Variants in ZZZ3 observed in about 807,000 individuals in gnomAD.
ZZZ3 encodes zinc finger ZZ-type containing 3, also known as ZZ-type zinc finger-containing protein 3.
ZZZ3 carries 22 observed loss-of-function variants against 95.2 expected under a neutral mutation model. The ratio of observed to expected loss-of-function variants is 0.23; its 90% confidence interval spans 0.17 to 0.33. The LOEUF (loss-of-function observed/expected upper bound fraction) is 0.33. Ranked by LOEUF, ZZZ3 falls within the 10% of genes least tolerant of loss-of-function variation. ZZZ3 has a pLI of 1.00. For missense variants in ZZZ3, 885 were observed against 1,066.5 expected (o/e 0.83, Z 2.37); for synonymous variants, 335 against 358.9 (o/e 0.93, Z 0.75).
intron 10 of ZZZ3, 90 bp downstream of exon 10, chr1:77,579,437 G>T: frequency 2.2e-6 from 2 of 912,558 alleles, no homozygotes; most frequent in Non-Finnish European, 3.5e-6. Context: ...AAAGTGTTAT[G>T]GCAGATCGCC....
intron 5 of ZZZ3, among the ~76,000 whole-genome samples, chr1:77,616,607 G>C (rs1666340101): frequency 6.6e-6 from 1 of 152,218 alleles, no homozygotes; most frequent in Non-Finnish European, 1.5e-5. Flanking sequence ...GCTCACGCCT[G>C]TAATCCCAGT....
chr1:77,607,088 TAAAG>T (rs1323501819), intron 5 of ZZZ3, among the ~76,000 whole-genome samples: 1 of 152,162 alleles, frequency 6.6e-6, no homozygotes, highest in Non-Finnish European at 1.5e-5. Flanking sequence ...ATGCTACTAA[TAAAG>T]ACATACTTGA....
intron 12 of ZZZ3, among the ~76,000 whole-genome samples, chr1:77,568,707 T>TA (rs1033123916): frequency 6.7e-6 from 1 of 148,208 alleles, no homozygotes; most frequent in Non-Finnish European, 1.5e-5. Context: ...TCAATGCAGG[T>TA]AAAAGGGAAG....
intron 5 of ZZZ3, among the ~76,000 whole-genome samples, chr1:77,615,701 G>T (rs1241512736): frequency 6.6e-6 from 1 of 152,164 alleles, no homozygotes; most frequent in Non-Finnish European, 1.5e-5. Flanking sequence ...AAAAGGAACT[G>T]CCACCACTGA....
intron 1 of ZZZ3, among the ~76,000 whole-genome samples, chr1:77,654,015 C>T (rs574636091): frequency 6.6e-6 from 1 of 151,432 alleles, no homozygotes; most frequent in Non-Finnish European, 1.5e-5. Context: ...GGTGAAACCC[C>T]GTCTCTACTA....
At position 77,568,345 on chromosome 1, in the gene ZZZ3, T is replaced by A. The variant is rs1661028954; in HGVS notation, c.2453A>T (p.His818Leu). ...AATAGAACTTACCTTAAAGCCCACA[T>A]GTTGCACAAATCCACTTTCAGCTTG... ...QMQAESGFVQ[H>L]VGFKCDNCGI... The change falls in exon 13 of 15, where the codon CAT (histidine) becomes CTT (leucine). Residue 818 changes from histidine (H) to leucine (L), a missense_variant. His to Leu is a moderately conservative substitution (Grantham distance 99, BLOSUM62 -3). Transcript: ENST00000370801. The A allele has an allele frequency of 6.3e-7, 1 of 1,589,238 alleles. No individual in the cohort carries two copies. The highest frequency in any genetic ancestry group is 8.5e-7 in the Non-Finnish European group (1 of 1,172,588).
rs749264829 is a variant in ZZZ3 at position 77,632,699 on chromosome 1, T to G, written c.656A>C (p.Gln219Pro). The G allele has an allele frequency of 2.0e-5, 32 of 1,614,110 alleles. No individual in the cohort carries two copies. Among genetic ancestry groups the G allele is most frequent in the Non-Finnish European group, 2.6e-5 (31 of 1,180,040 alleles). Reference sequence around the variant, plus strand: ...ATTTTGTTTAGTGTTCCCATCAGGCTGACAGTCATCACAGTTTATAACAGC... The same window carrying G: ...ATTTTGTTTAGTGTTCCCATCAGGCGGACAGTCATCACAGTTTATAACAGC... ...DSAVINCDDC[Q>P]PDGNTKQNSI... Residue 219 changes from glutamine (Q) to proline (P), a missense_variant, in exon 5 of 15, where the codon CAG becomes CCG. Physicochemically the swap from Gln to Pro is moderately conservative, Grantham distance 76. This residue lies in a region of ZZZ3 where 556 missense variants were observed against 652.9 expected (regional missense o/e 0.85). Transcript: ENST00000370801.
chr1:77,568,283 TA>T, intron 13 of ZZZ3, 48 bp downstream of exon 13: 1 of 1,426,318 alleles, frequency 7.0e-7, no homozygotes, highest in Non-Finnish European at 9.4e-7. Flanking sequence ...TGTCTCTAAA[TA>T]AATAAATAAA....
intron 11 of ZZZ3, among the ~76,000 whole-genome samples, chr1:77,577,746 G>A (rs1417439030): frequency 3.9e-5 from 6 of 151,996 alleles, no homozygotes; most frequent in Non-Finnish European, 8.8e-5. Flanking sequence ...TTACAAGAAC[G>A]AACAGCTGGG....
intron 5 of ZZZ3, among the ~76,000 whole-genome samples, chr1:77,595,455 T>C (rs956556868): frequency 7.9e-5 from 12 of 152,008 alleles, no homozygotes; most frequent in East Asian, 3.8e-4. Flanking sequence ...GTTAAGACAT[T>C]CTAGACAGAA....
intron 1 of ZZZ3, among the ~76,000 whole-genome samples, chr1:77,643,978 G>A (rs1669019402): frequency 6.6e-6 from 1 of 151,926 alleles, no homozygotes. Flanking sequence ...ACTATACTAT[G>A]ATTTTAAATG....
chr1:77,565,738 T>A lies in ZZZ3; in HGVS notation c.2614A>T (p.Ile872Phe). Residue 872 changes from isoleucine (I) to phenylalanine (F), a missense_variant, in exon 15 of 15, where the codon ATT becomes TTT. This residue lies in a region of ZZZ3 where 221 missense variants were observed against 247.8 expected (regional missense o/e 0.89). Transcript: ENST00000370801. ...IHKEDHQLEP[I>F]YRSETFLDRD... ...TCTAAGAATGTCTCTGACCTATAAA[T>A]AGGTTCTAATTGGTGATCTTCCTTG... is the stretch of plus-strand genomic sequence containing the variant. 6.2e-7 allele frequency: 1 copy of A among 1,613,772 alleles called. No individual in the cohort carries two copies. The highest frequency in any genetic ancestry group is 8.5e-7 in the Non-Finnish European group (1 of 1,179,734).
chr1:77,639,993 G>A (rs751417544), intron 3 of ZZZ3, among the ~76,000 whole-genome samples: 18 of 151,376 alleles, frequency 1.2e-4, no homozygotes, highest in Non-Finnish European at 2.7e-4. Flanking sequence ...TGTCCTAGAG[G>A]ACTTCCCAAA....
chr1:77,607,658 G>A (rs1665379722), intron 5 of ZZZ3, among the ~76,000 whole-genome samples: 1 of 152,096 alleles, frequency 6.6e-6, no homozygotes, highest in African/African-American at 2.4e-5. Flanking sequence ...GGGCACAGTG[G>A]CTCACCTGTA....
intron 5 of ZZZ3, among the ~76,000 whole-genome samples, chr1:77,598,800 TAA>T (rs1664455772): frequency 6.6e-6 from 1 of 152,160 alleles, no homozygotes; most frequent in Admixed American, 6.5e-5. Context: ...CTATTTTACT[TAA>T]GAGTGACAGT....
At chr1:77,666,237 A>G (rs951402825) in intron 1 of ZZZ3, among the ~76,000 whole-genome samples, 2 of 151,438 alleles carry the variant, frequency 1.3e-5, no homozygotes, top group Non-Finnish European at 2.9e-5. Context: ...TTTACAGTAT[A>G]AATTCATGCA....
chr1:77,614,801 T>C (rs921496084), intron 5 of ZZZ3: 7 of 152,218 alleles, frequency 4.6e-5, no homozygotes, highest in African/African-American at 7.2e-5. Flanking sequence ...GTTCTAACCA[T>C]GGTCATGAAA....
intron 1 of ZZZ3, among the ~76,000 whole-genome samples, chr1:77,677,721 T>C (rs773499345): frequency 2.0e-5 from 3 of 152,184 alleles, no homozygotes; most frequent in Non-Finnish European, 2.9e-5. Flanking sequence ...CATTTTACAA[T>C]CATTTATAAT....
intron 5 of ZZZ3, among the ~76,000 whole-genome samples, chr1:77,585,641 T>C (rs914964317): frequency 6.6e-6 from 1 of 152,216 alleles, no homozygotes; most frequent in Non-Finnish European, 1.5e-5. Context: ...CTAAACTCCA[T>C]AATGGCAAGT....
Sources: gnomAD v4.1 joint callset for allele counts (sites outside exome capture counted in the v4.1 genomes callset) on GRCh38, gnomAD v4.1.1 for gene constraint, gnomAD v4.1.1 regional missense constraint, MANE v1.5 for transcripts, NCBI Gene and HGNC (gene_info 2026-07-23, HGNC 2026-07-21) for gene names.